DLGAP2: variants seen among roughly 807,000 people sequenced by gnomAD.
DLGAP2 encodes the protein disks large-associated protein 2.
In DLGAP2, 26 loss-of-function variants were observed where a neutral mutation model predicts 100.3. That is an observed-to-expected ratio of 0.26 (90% CI 0.19 to 0.36). DLGAP2 has a LOEUF of 0.36. Ranked by LOEUF, DLGAP2 falls within the 10% of genes least tolerant of loss-of-function variation. The pLI, the probability that DLGAP2 is intolerant of heterozygous loss-of-function variation, is 1.00. For synonymous variants in DLGAP2, 886 were observed against 630.1 expected, an observed-to-expected ratio of 1.41 and a Z score of -6.08; for missense variants, 1,858 against 1,453.2, an observed-to-expected ratio of 1.28 and a Z score of -4.53.
chr8:864,770 G>C (rs1037211574), intron 1 of DLGAP2, among the ~76,000 whole-genome samples: 1 of 152,072 alleles, frequency 6.6e-6, no homozygotes, highest in Non-Finnish European at 1.5e-5. Context: ...GAGCTGCCAG[G>C]GTCCTGCGTT....
At position 1,548,954 on chromosome 8, in the gene DLGAP2, C is replaced by T. The variant is rs778175040; in HGVS notation, c.501C>T (p.Ser167=). The T allele has an allele frequency of 3.1e-6, 5 of 1,598,940 alleles. No individual in the cohort carries two copies. In the African/African-American group the frequency reaches 4.0e-5, roughly 13 times the overall value. The stretch of plus-strand genomic sequence containing the variant: ...GCACCTTCCCGCGGATGCACTACAG[C>T]TCGCACTACGACACGCGCGACGACT... ...SSSTFPRMHY[S]SHYDTRDDCA... is the part of the protein sequence containing the mutation. The change falls in exon 5 of 15, where the codon AGC becomes AGT. Residue 167 remains serine (S), a synonymous_variant. Transcript: ENST00000637795.
At chr8:1,624,239 C>A (rs529474437) in intron 6 of DLGAP2, among the ~76,000 whole-genome samples, 2 of 152,010 alleles carry the variant, frequency 1.3e-5, no homozygotes, top group African/African-American at 2.4e-5. Flanking sequence ...TAGAAAGTGC[C>A]GATTGGTAGA....
chr8:1,176,148 C>A (rs548715174), intron 2 of DLGAP2, among the ~76,000 whole-genome samples: 8 of 152,262 alleles, frequency 5.3e-5, no homozygotes, highest in South Asian at 2.1e-4. Flanking sequence ...AGGAAACTTA[C>A]AATTGTGGTG....
At chr8:1,172,716 C>G (rs543660016) in intron 2 of DLGAP2, among the ~76,000 whole-genome samples, 3 of 152,184 alleles carry the variant, frequency 2.0e-5, no homozygotes, top group African/African-American at 7.2e-5. Context: ...AGTTCCCGAG[C>G]CTTGGCTTTC....
At chr8:1,287,954 GTGTGGTT>G (rs1313766212) in intron 3 of DLGAP2, among the ~76,000 whole-genome samples, 2 of 123,202 alleles carry the variant, frequency 1.6e-5, no homozygotes, top group South Asian at 3.1e-4. Flanking sequence ...GTGTGTGTGT[GTGTGGTT>G]GTTAGGGGAA....
chr8:1,112,698 C>T (rs1310522303), intron 2 of DLGAP2, among the ~76,000 whole-genome samples: 8 of 152,184 alleles, frequency 5.3e-5, no homozygotes, highest in Admixed American at 3.9e-4. Flanking sequence ...GTTTCTTTTG[C>T]TCTACAGAGG....
At chr8:1,271,458 T>A (rs1376740109) in intron 3 of DLGAP2, among the ~76,000 whole-genome samples, 2 of 152,240 alleles carry the variant, frequency 1.3e-5, no homozygotes, top group African/African-American at 4.8e-5. Flanking sequence ...GATTATTCAC[T>A]TCATGTGTCT....
intron 3 of DLGAP2, among the ~76,000 whole-genome samples, chr8:1,281,819 T>C (rs1353063438): frequency 9.2e-5 from 14 of 152,304 alleles, no homozygotes; most frequent in Non-Finnish European, 1.6e-4. Flanking sequence ...CAGCCTTTGA[T>C]CTGCAACGTT....
chr8:1,186,781 G>T lies in DLGAP2; in HGVS notation c.74-72070G>T, dbSNP rs545375201. Among the ~76,000 whole-genome samples the T allele has an allele frequency of 2.6e-5, 4 of 152,258 alleles. No homozygotes were observed. In the East Asian group the frequency reaches 7.7e-4, roughly 29 times the overall value. On this transcript the variant is annotated intron_variant, in intron 2 of 14. Coordinates refer to ENST00000637795, the MANE Select transcript of DLGAP2 (RefSeq NM_001346810.2). ...GCTCTAAGGAGCTTGGACGTGTCTGGAGGTTCATGGAAGCCACCTGCAGGA... is the reference window on the plus strand; with the variant it reads ...GCTCTAAGGAGCTTGGACGTGTCTGTAGGTTCATGGAAGCCACCTGCAGGA...
At chr8:1,142,857 G>T (rs527764756) in intron 2 of DLGAP2, among the ~76,000 whole-genome samples, 116 of 152,266 alleles carry the variant, frequency 7.6e-4, no homozygotes, top group Non-Finnish European at 2.1e-4. Flanking sequence ...GGATCATGGC[G>T]TGGGGAGCAG....
intron 2 of DLGAP2, among the ~76,000 whole-genome samples, chr8:1,182,869 C>T (rs575899253): frequency 6.6e-6 from 1 of 152,164 alleles, no homozygotes; most frequent in Non-Finnish European, 1.5e-5. Context: ...TCGGCAGCAT[C>T]CAGTGAGGTG....
At chr8:1,121,977 G>A (rs939854147) in intron 2 of DLGAP2, among the ~76,000 whole-genome samples, 1 of 152,090 alleles carries the variant, frequency 6.6e-6, no homozygotes, top group Non-Finnish European at 1.5e-5. Context: ...CTTTCTCATG[G>A]TGTTGCCCCA....
chr8:1,349,765 C>T (rs950314985), intron 3 of DLGAP2, among the ~76,000 whole-genome samples: 4 of 152,198 alleles, frequency 2.6e-5, no homozygotes, highest in African/African-American at 9.7e-5. Context: ...GGTGTCTTTC[C>T]CCATTAGACC....
chr8:1,242,921 T>A (rs1315720005), intron 2 of DLGAP2, among the ~76,000 whole-genome samples: 3 of 109,152 alleles, frequency 2.7e-5, no homozygotes, highest in African/African-American at 1.0e-4. Context: ...GATGGACAGA[T>A]AGACAGTGGA....
At chr8:1,545,717 C>T (rs1398662143) in intron 4 of DLGAP2, among the ~76,000 whole-genome samples, 1 of 152,224 alleles carries the variant, frequency 6.6e-6, no homozygotes, top group Non-Finnish European at 1.5e-5. Context: ...TGTTTCCATG[C>T]ATCCATCAGG....
intron 2 of DLGAP2, among the ~76,000 whole-genome samples, chr8:1,201,216 G>A (rs1486496486): frequency 3.3e-5 from 5 of 152,336 alleles, no homozygotes; most frequent in East Asian, 1.9e-4. Context: ...GAGAGACGCA[G>A]AACCAGGGGT....
chr8:1,192,353 C>G (rs1797658279), intron 2 of DLGAP2, among the ~76,000 whole-genome samples: 1 of 152,156 alleles, frequency 6.6e-6, no homozygotes, highest in Non-Finnish European at 1.5e-5. Flanking sequence ...ATTGTGAATA[C>G]CTTGCGGAAT....
chr8:1,367,098 C>T (rs1383208127), intron 3 of DLGAP2, among the ~76,000 whole-genome samples: 1 of 152,196 alleles, frequency 6.6e-6, no homozygotes, highest in Non-Finnish European at 1.5e-5. Context: ...ACCTTTCCAA[C>T]ACACATGCAC....
chr8:778,338 T>A (rs1383389675), intron 1 of DLGAP2, among the ~76,000 whole-genome samples: 1 of 152,260 alleles, frequency 6.6e-6, no homozygotes, highest in Non-Finnish European at 1.5e-5. Context: ...AGCCTTCTTC[T>A]CTCAGCTCGT....
Sources: gnomAD v4.1 joint callset for allele counts (sites outside exome capture counted in the v4.1 genomes callset) on GRCh38, gnomAD v4.1.1 for gene constraint, MANE v1.5 for transcripts, NCBI Gene and HGNC (gene_info 2026-07-23, HGNC 2026-07-21) for gene names.